Variants in SLC22A25 observed in about 807,000 individuals in gnomAD.
The protein encoded by SLC22A25 is solute carrier family 22 member 25.
In SLC22A25, 44 loss-of-function variants were observed where a neutral mutation model predicts 45.9. The ratio of observed to expected loss-of-function variants is 0.96; its 90% CI spans 0.75 to 1.23. The LOEUF (loss-of-function observed/expected upper bound fraction) is 1.23. Ranked by LOEUF, SLC22A25 falls within the 50% of genes most tolerant of loss-of-function variation. The pLI is 0.00. For synonymous variants in SLC22A25, 283 were observed against 238.6 expected (o/e 1.19, Z -1.72); for missense variants, 800 against 666.4 (o/e 1.20, Z -2.21).
intron 9 of SLC22A25, chr11:63,166,473 G>A (rs2087689196): frequency 7.2e-7 from 1 of 1,385,264 alleles, no homozygotes; most frequent in African/African-American, 1.5e-5. Flanking sequence ...GACAACAGAT[G>A]TTGTATGGAG....
rs1270490856 is a variant in SLC22A25 at position 63,161,549 on chromosome 11, C to G, written c.*2275G>C. ...CATGGGGGTGAGTGTTTCCCATGCTCTTCCTATGATAGTGAATAAATCTCA... is the reference window on the plus strand; with the variant it reads ...CATGGGGGTGAGTGTTTCCCATGCTGTTCCTATGATAGTGAATAAATCTCA... On this transcript the variant is annotated 3_prime_UTR_variant, in exon 12 of 12. Transcript: ENST00000306494. 1.3e-5 allele frequency among the ~76,000 whole-genome samples: 2 copies of G among 152,112 alleles called. No homozygotes were observed. Among genetic ancestry groups the G allele is most frequent in the East Asian group, 3.9e-4 (2 of 5,186 alleles).
intron 9 of SLC22A25, among the ~76,000 whole-genome samples, chr11:63,177,286 A>G (rs1007672199): frequency 2.6e-5 from 4 of 152,026 alleles, no homozygotes; most frequent in Non-Finnish European, 5.9e-5. Flanking sequence ...TGATATATTC[A>G]TACAGTATAT....
At chr11:63,177,200 A>G (rs1207273223) in intron 9 of SLC22A25, among the ~76,000 whole-genome samples, 2 of 151,818 alleles carry the variant, frequency 1.3e-5, no homozygotes, top group African/African-American at 2.4e-5. Context: ...TAAAATGTCT[A>G]GATGTGAATT....
chr11:63,199,656 C>T (rs2089175361), intron 7 of SLC22A25, among the ~76,000 whole-genome samples: 1 of 151,996 alleles, frequency 6.6e-6, no homozygotes, highest in Non-Finnish European at 1.5e-5. Flanking sequence ...TCTTATCAGC[C>T]TGCCCAGCTA....
chr11:63,171,969 G>A (rs889941650), intron 9 of SLC22A25, among the ~76,000 whole-genome samples: 1 of 151,362 alleles, frequency 6.6e-6, no homozygotes, highest in African/African-American at 2.4e-5. Context: ...ATAGACCAAT[G>A]GAGCGAACAG....
At chr11:63,217,950 C>T in intron 5 of SLC22A25, 3 of 650,536 alleles carry the variant, frequency 4.6e-6, no homozygotes, top group South Asian at 3.7e-5. Flanking sequence ...GTTTCTTCTC[C>T]AATCTGTTGC....
rs2087898569 is a variant in SLC22A25 at position 63,171,835 on chromosome 11, C to T, written c.1071-5577G>A. 2.6e-5 allele frequency among the ~76,000 whole-genome samples: 4 copies of T among 152,120 alleles called. No homozygotes were observed. The South Asian group carries it at 8.3e-4, about 31-fold the overall frequency. On this transcript the variant is annotated intron_variant, in intron 9 of 11. Transcript: ENST00000306494. ...AAATTTCACATGGATTTTAAAAAAG[C>T]TTGTATAGCCAAGACAATGCTAAGC... is the stretch of plus-strand genomic sequence containing the variant.
At chr11:63,218,355 C>G (rs972610943) in intron 5 of SLC22A25, 9 of 228,498 alleles carry the variant, frequency 3.9e-5, no homozygotes, top group Middle Eastern at 1.7e-3. Flanking sequence ...CAAGAGTTGG[C>G]AGGGAGGGAG....
At chr11:63,224,181 A>G (rs952264855) in intron 5 of SLC22A25, among the ~76,000 whole-genome samples, 3 of 152,074 alleles carry the variant, frequency 2.0e-5, no homozygotes, top group Non-Finnish European at 4.4e-5. Context: ...CTCTTGCTGA[A>G]TTGACCCCTT....
chr11:63,185,131 T>A (rs969753623), intron 7 of SLC22A25, among the ~76,000 whole-genome samples: 3 of 152,274 alleles, frequency 2.0e-5, no homozygotes, highest in African/African-American at 7.2e-5. Context: ...ACAAGTATTT[T>A]ATTTTATTTT....
chr11:63,194,799 G>A (rs886521602), intron 7 of SLC22A25, among the ~76,000 whole-genome samples: 6 of 148,428 alleles, frequency 4.0e-5, no homozygotes, highest in Admixed American at 2.7e-4. Context: ...ACTCATCAGT[G>A]TGTTGTATTC....
chr11:63,199,775 G>A (rs1004053058), intron 7 of SLC22A25, among the ~76,000 whole-genome samples: 1 of 151,814 alleles, frequency 6.6e-6, no homozygotes, highest in African/African-American at 2.4e-5. Context: ...AACACCTGAA[G>A]CCACTACCCA....
chr11:63,206,610 C>T (rs1012250573), intron 7 of SLC22A25, among the ~76,000 whole-genome samples: 1 of 152,154 alleles, frequency 6.6e-6, no homozygotes, highest in African/African-American at 2.4e-5. Flanking sequence ...AGGAGAATTG[C>T]AAACCACTGC....
intron 7 of SLC22A25, among the ~76,000 whole-genome samples, chr11:63,211,301 C>A (rs1413872013): frequency 6.6e-6 from 1 of 152,138 alleles, no homozygotes; most frequent in African/African-American, 2.4e-5. Flanking sequence ...CTGGAATACT[C>A]CTCTGCTGCC....
In SLC22A25 at chr11:63,217,394, G is replaced by A; in HGVS notation, c.750C>T (p.Ser250=). Residue 250 remains serine (S), a synonymous_variant, in exon 7 of 12, where the codon AGC becomes AGT. Transcript: ENST00000306494. The part of the protein sequence containing the change: ...AASIGHITLG[S]LAFVIRDQCI... ...ACTGGTCTCGAATGACAAAAGCCAG[G>A]CTTCCCAGGGTTATATGTCCAATAC... 1.5e-5 allele frequency: 24 copies of A among 1,613,990 alleles called. No individual in the cohort carries two copies. The highest frequency in any genetic ancestry group is 2.0e-5 in the Non-Finnish European group (24 of 1,179,994).
At chr11:63,222,316 G>C (rs1565118484) in intron 5 of SLC22A25, among the ~76,000 whole-genome samples, 1 of 151,920 alleles carries the variant, frequency 6.6e-6, no homozygotes, top group Non-Finnish European at 1.5e-5. Flanking sequence ...CAACATTTTA[G>C]AGTTTTCATT....
intron 3 of SLC22A25, among the ~76,000 whole-genome samples, chr11:63,236,357 C>T (rs924894307): frequency 1.3e-5 from 2 of 152,172 alleles, no homozygotes; most frequent in African/African-American, 2.4e-5. Flanking sequence ...CACCCCTCCC[C>T]CAGCCTTGCT....
chr11:63,222,893 C>T (rs1467613606), intron 5 of SLC22A25, among the ~76,000 whole-genome samples: 1 of 151,686 alleles, frequency 6.6e-6, no homozygotes, highest in East Asian at 1.9e-4. Context: ...CATCTGGTTT[C>T]TGTCCTTCAT....
At chr11:63,212,220 G>A (rs1380572646) in intron 7 of SLC22A25, among the ~76,000 whole-genome samples, 1 of 52,772 alleles carries the variant, frequency 1.9e-5, no homozygotes, top group Non-Finnish European at 3.7e-5. Context: ...ACTGTTGGTG[G>A]GACTGTAAAC....
Sources: gnomAD v4.1 joint callset for allele counts (sites outside exome capture counted in the v4.1 genomes callset) on GRCh38, gnomAD v4.1.1 for gene constraint, MANE v1.5 for transcripts, NCBI Gene and HGNC (gene_info 2026-07-23, HGNC 2026-07-21) for gene names.